Variants in ZNF208 observed in about 807,000 individuals in gnomAD.
ZNF208 encodes zinc finger protein 208, also known as zinc finger protein 95.
Under a neutral mutation model 12.1 loss-of-function variants are expected in ZNF208, and 10 were observed. That is an observed-to-expected ratio of 0.83 (90% CI 0.51 to 1.40). The LOEUF (loss-of-function observed/expected upper bound fraction) is 1.40, where lower values mean the gene tolerates loss of function less well. Ranked by LOEUF, ZNF208 falls within the 40% of genes most tolerant of loss-of-function variation. ZNF208 has a pLI of 0.00. For synonymous variants in ZNF208, 497 were observed against 488.4 expected, an observed-to-expected ratio of 1.02 and a Z score of -0.23; for missense variants, 1,652 against 1,485.0, an observed-to-expected ratio of 1.11 and a Z score of -1.85.
chr19:21,963,279 G>C (rs1425167223), downstream of ZNF208, among the ~76,000 whole-genome samples: 1 of 151,954 alleles, frequency 6.6e-6, no homozygotes, highest in Admixed American at 6.6e-5. Flanking sequence ...AAGCTTTATG[G>C]AATTTTGTTT....
In ZNF208 at chr19:21,973,391, G is replaced by T. The variant is rs766143049; in HGVS notation, c.1643C>A (p.Thr548Asn). Reference sequence around the variant, plus strand: ...TTCACATTTGTAGGGTTTCTCTCCAGTATGAATTACCTTATGTTTAGTAAG... The same window carrying T: ...TTCACATTTGTAGGGTTTCTCTCCATTATGAATTACCTTATGTTTAGTAAG... ...SILTKHKVIH[T>N]GEKPYKCEEC... Residue 548 changes from threonine to asparagine, a missense_variant, in exon 4 of 4, where the codon ACT becomes AAT. By Grantham distance (65) the Thr-to-Asn change is moderately conservative. This residue lies in a region of ZNF208 where 1,239 missense variants were observed against 1,086.2 expected (regional missense o/e 1.14). Transcript: ENST00000397126. 9 of 1,611,862 alleles carry T rather than the reference G, an allele frequency of 5.6e-6. No homozygotes were observed. Among genetic ancestry groups the T allele is most frequent in the East Asian group, 2.2e-5 (1 of 44,772 alleles).
At chr19:21,962,140 A>G (rs570620461), downstream of ZNF208, among the ~76,000 whole-genome samples, 3 of 152,296 alleles carry the variant, frequency 2.0e-5, no homozygotes, top group South Asian at 6.2e-4. Context: ...ATAAATGTCC[A>G]TATTACAATG....
intron 1 of ZNF208, among the ~76,000 whole-genome samples, chr19:21,993,800 T>C (rs1970781494): frequency 6.6e-6 from 1 of 152,140 alleles, no homozygotes; most frequent in Non-Finnish European, 1.5e-5. Context: ...TCCTAAAGTA[T>C]TATATTCTTT....
At chr19:21,975,088 C>T (rs751475269) in intron 3 of ZNF208, among the ~76,000 whole-genome samples, 15 of 152,210 alleles carry the variant, frequency 9.9e-5, no homozygotes, top group East Asian at 1.9e-4. Flanking sequence ...TTACCCAGTA[C>T]GACTCTTTCT....
intron 4 of ZNF208, chr19:21,940,649 C>G (rs1969721881): frequency 2.0e-5 from 3 of 152,486 alleles, no homozygotes; most frequent in Admixed American, 1.3e-4. Flanking sequence ...TCCTGGGTCC[C>G]TCTGTCCTCC....
chr19:21,983,760 C>T (rs576884104), intron 3 of ZNF208, among the ~76,000 whole-genome samples: 4 of 151,826 alleles, frequency 2.6e-5, no homozygotes, highest in Non-Finnish European at 5.9e-5. Flanking sequence ...GAACAGAAAA[C>T]GAAACACAGC....
At chr19:21,954,300 T>C (rs1279690244) in intron 4 of ZNF208, among the ~76,000 whole-genome samples, 2 of 152,214 alleles carry the variant, frequency 1.3e-5, no homozygotes, top group Non-Finnish European at 2.9e-5. Flanking sequence ...CTGAGAAGAA[T>C]CTATATTCTC....
intron 1 of ZNF208, among the ~76,000 whole-genome samples, chr19:21,994,841 T>A (rs1970801296): frequency 6.6e-6 from 1 of 152,128 alleles, no homozygotes; most frequent in African/African-American, 2.4e-5. Context: ...TTTGTACATA[T>A]CTATTTATTG....
intron 4 of ZNF208, among the ~76,000 whole-genome samples, chr19:21,952,274 C>A (rs554554294): frequency 1.7e-3 from 263 of 152,352 alleles, no homozygotes; most frequent in African/African-American, 6.1e-3. Flanking sequence ...ATGTTCCTGT[C>A]TGACAGCTCT....
chr19:21,982,522 T>G (rs1970561678), intron 3 of ZNF208, among the ~76,000 whole-genome samples: 1 of 152,054 alleles, frequency 6.6e-6, no homozygotes, highest in Non-Finnish European at 1.5e-5. Flanking sequence ...GCTTTAAATT[T>G]CATACAGAAC....
rs1970178961 is a variant in ZNF208, at chr19:21,966,828, GA to G, written c.*4362del. 6.6e-6 allele frequency: 1 copy of G among 152,086 alleles called. No individual in the cohort carries two copies. The highest frequency in any genetic ancestry group is 2.4e-5 in the African/African-American group (1 of 41,428). The allele number at this position is 152,086 out of a possible 1,614,324, so 9.4% of individuals were successfully genotyped here. ...TGAAATAGTATCACACTGTCACTTT[GA>G]TTTACATCTTTCTGATAATTAGGAA... is the stretch of plus-strand genomic sequence containing the variant. On this transcript the variant is annotated 3_prime_UTR_variant, in exon 4 of 4. Transcript: ENST00000397126.
chr19:21,971,107 G>T lies in ZNF208; in HGVS notation c.*84C>A, dbSNP rs1048598060. ...AAGCCTCACCACATTCTTCACATTTGTAGGGTTTCTCTCCAGTATGAATTT... is the reference window on the plus strand; with the variant it reads ...AAGCCTCACCACATTCTTCACATTTTTAGGGTTTCTCTCCAGTATGAATTT... On this transcript the variant is annotated 3_prime_UTR_variant, in exon 4 of 4. Transcript: ENST00000397126. The T allele has an allele frequency of 1.2e-6, 2 of 1,612,996 alleles. No individual in the cohort carries two copies. The highest frequency in any genetic ancestry group is 2.2e-5 in the East Asian group (1 of 44,808).
chr19:21,980,833 AAGGAG>A (rs1970524949), intron 3 of ZNF208, among the ~76,000 whole-genome samples: 2 of 152,270 alleles, frequency 1.3e-5, no homozygotes, highest in African/African-American at 4.8e-5. Flanking sequence ...ATAAAGAAGA[AAGGAG>A]AGAAGAATCA....
At chr19:21,959,324 GTTC>G (rs777111506) in intron 4 of ZNF208, among the ~76,000 whole-genome samples, 2 of 152,260 alleles carry the variant, frequency 1.3e-5, no homozygotes, top group Non-Finnish European at 1.5e-5. Context: ...CATGTGAAGT[GTTC>G]TTCTCTCTCA....
At chr19:21,990,714 G>A (rs1160646866) in intron 1 of ZNF208, among the ~76,000 whole-genome samples, 3 of 152,090 alleles carry the variant, frequency 2.0e-5, no homozygotes, top group Admixed American at 6.6e-5. Context: ...CCATTTTCAC[G>A]ATATTGATTC....
rs1987570 is a variant in ZNF208 at position 21,970,335 on chromosome 19, A to C, written c.*856T>G. 0.58 allele frequency among the ~76,000 whole-genome samples: 88,826 copies of C among 151,920 alleles called. 26,235 individuals carry two copies. The highest frequency in any genetic ancestry group is 0.69 in the East Asian group (3,561 of 5,152). On this transcript the variant is annotated 3_prime_UTR_variant, in exon 4 of 4. Transcript: ENST00000397126. ...CTTAAGGACTGGTTAAGGGCATTGC[A>C]ACATTCCACACAATTGTAGGAATTC...
intron 4 of ZNF208, among the ~76,000 whole-genome samples, chr19:21,944,557 T>C (rs1969788291): frequency 6.6e-6 from 1 of 152,200 alleles, no homozygotes; most frequent in Non-Finnish European, 1.5e-5. Context: ...CTATATTATT[T>C]AGACAAGACT....
Position 21,973,826 on chromosome 19 carries a change from C to T in ZNF208, c.1208G>A (p.Gly403Asp). 6 of 1,613,256 alleles carry T rather than the reference C, an allele frequency of 3.7e-6. No homozygotes were observed. The highest frequency in any genetic ancestry group is 5.1e-6 in the Non-Finnish European group (6 of 1,179,788). The change falls in exon 4 of 4, where the codon GGC (glycine) becomes GAC (aspartate). Residue 403 changes from glycine (G) to aspartate (D), a missense_variant. Gly to Asp is a moderately conservative substitution (Grantham distance 94, BLOSUM62 -1). This residue lies in a region of ZNF208 where 1,239 missense variants were observed against 1,086.2 expected (regional missense o/e 1.14). Coordinates refer to ENST00000397126, the MANE Select transcript of ZNF208 (RefSeq NM_007153.3). The stretch of plus-strand genomic sequence containing the variant: ...GATTGAGAACATACTAAAACCTTTG[C>T]CACATTCTTCACATTTGTAGGGTTT... Reference protein sequence around the residue: ...GEKPYKCEECGKGFSMFSILT... With the variant: ...GEKPYKCEECDKGFSMFSILT...
intron 4 of ZNF208, among the ~76,000 whole-genome samples, chr19:21,948,739 C>G (rs1599601419): frequency 1.3e-5 from 2 of 152,126 alleles, no homozygotes; most frequent in South Asian, 2.1e-4. Context: ...TGCTATGCTG[C>G]TTTTAAGCCA....
Sources: gnomAD v4.1 joint callset for allele counts (sites outside exome capture counted in the v4.1 genomes callset) on GRCh38, gnomAD v4.1.1 for gene constraint, gnomAD v4.1.1 regional missense constraint, MANE v1.5 for transcripts, NCBI Gene and HGNC (gene_info 2026-07-23, HGNC 2026-07-21) for gene names.